PRIMA1: variants seen among roughly 807,000 people sequenced by gnomAD.
The protein encoded by PRIMA1 is proline rich membrane anchor 1, also known as proline-rich membrane anchor 1.
PRIMA1 carries 7 observed loss-of-function variants against 17.5 expected under a neutral mutation model. The ratio of observed to expected loss-of-function variants is 0.40; its 90% confidence interval spans 0.23 to 0.75. The LOEUF is 0.75. PRIMA1 is among the 30% of genes least tolerant of loss of function. The probability of loss-of-function intolerance (pLI) is 0.37; values close to 1 mark genes in which losing one functional copy is unlikely to be tolerated. For missense variants in PRIMA1, 200 were observed against 201.8 expected, an observed-to-expected ratio of 0.99 and a Z score of 0.05; for synonymous variants, 97 against 77.9, an observed-to-expected ratio of 1.25 and a Z score of -1.29.
In PRIMA1 at chr14:93,782,279, A is replaced by ATAC. The variant is rs1225135581; in HGVS notation, c.94-2969_94-2968insGTA. On this transcript the variant is annotated intron_variant, in intron 2 of 4. Coordinates refer to ENST00000393140, the MANE Select transcript of PRIMA1 (RefSeq NM_178013.4). Reference sequence around the variant, plus strand: ...CAAGACTCCGTCTCAAAAATAAATAAATAAATAAATAAATACATACATACA... The same window carrying ATAC: ...CAAGACTCCGTCTCAAAAATAAATAATACATAAATAAATAAATACATACATACA... Among the ~76,000 whole-genome samples the ATAC allele has an allele frequency of 1.3e-3, 191 of 150,734 alleles. 2 individuals carry two copies. The highest frequency in any genetic ancestry group is 2.7e-3 in the African/African-American group (110 of 40,660).
intron 3 of PRIMA1, among the ~76,000 whole-genome samples, chr14:93,742,355 A>C (rs1340252473): frequency 1.3e-5 from 2 of 152,244 alleles, no homozygotes; most frequent in Admixed American, 6.5e-5. Context: ...CCAGAGAGTG[A>C]ACAACACAGA....
intron 3 of PRIMA1, among the ~76,000 whole-genome samples, chr14:93,743,499 GTCACAACC>G (rs2076196596): frequency 2.0e-5 from 3 of 152,218 alleles, no homozygotes; most frequent in Non-Finnish European, 4.4e-5. Flanking sequence ...CATCAGGCGG[GTCACAACC>G]GCTGACAATG....
intron 3 of PRIMA1, among the ~76,000 whole-genome samples, chr14:93,754,282 TG>T (rs1431417199): frequency 1.3e-5 from 2 of 152,256 alleles, no homozygotes; most frequent in East Asian, 1.9e-4. Flanking sequence ...ATCCCAATTG[TG>T]GAGTTGGGAT....
chr14:93,737,238 C>G lies in PRIMA1; in HGVS notation c.359+3G>C. ...AAGCTGGGTGCAGTGAGTGAGCACT[C>G]ACCTTTTTATGGCTTTGTAGCAAAT... On this transcript the variant is annotated splice_donor_region_variant and intron_variant, in intron 4 of 4. Coordinates refer to ENST00000393140, the MANE Select transcript of PRIMA1 (RefSeq NM_178013.4). The G allele has an allele frequency of 6.2e-7, 1 of 1,614,064 alleles. No individual in the cohort carries two copies. Among genetic ancestry groups the G allele is most frequent in the Non-Finnish European group, 8.5e-7 (1 of 1,179,982 alleles).
intron 4 of PRIMA1, among the ~76,000 whole-genome samples, chr14:93,722,694 GATGATGATA>G (rs2076048648): frequency 9.1e-4 from 8 of 8,824 alleles, no homozygotes; most frequent in South Asian, 2.9e-3. Context: ...TGATGGTAAT[GATGATGATA>G]GTGGTGGTTA....
chr14:93,775,121 CA>C (rs1167434483), intron 3 of PRIMA1, among the ~76,000 whole-genome samples: 1 of 152,068 alleles, frequency 6.6e-6, no homozygotes, highest in Admixed American at 6.5e-5. Context: ...AGGTGCCTGG[CA>C]AATGCTCGCC....
intron 4 of PRIMA1, among the ~76,000 whole-genome samples, chr14:93,735,834 C>T (rs796073024): frequency 7.2e-5 from 11 of 151,980 alleles, no homozygotes; most frequent in Non-Finnish European, 1.5e-4. Context: ...GGATTATAGG[C>T]GTGTGCCACC....
intron 2 of PRIMA1, among the ~76,000 whole-genome samples, chr14:93,783,524 CTA>C (rs148458578): frequency 0.022 from 3,320 of 152,304 alleles, 131 homozygotes; most frequent in African/African-American, 0.076. Context: ...CGTTTGGTTT[CTA>C]TCTTGGGGAA....
At chr14:93,730,178 G>A (rs868793019) in intron 4 of PRIMA1, among the ~76,000 whole-genome samples, 1 of 152,178 alleles carries the variant, frequency 6.6e-6, no homozygotes. Context: ...GCCAGGCACC[G>A]TCGGGAGAGA....
intron 3 of PRIMA1, among the ~76,000 whole-genome samples, chr14:93,759,510 TGTGTGTGTGC>T (rs1566972493): frequency 6.6e-6 from 1 of 151,768 alleles, no homozygotes; most frequent in South Asian, 2.1e-4. Flanking sequence ...TGCGTGTGCA[TGTGTGTGTGC>T]GTGTGTGTGC....
chr14:93,747,782 G>A (rs1425931393), intron 3 of PRIMA1, among the ~76,000 whole-genome samples: 1 of 87,582 alleles, frequency 1.1e-5, no homozygotes, highest in Non-Finnish European at 2.5e-5. Flanking sequence ...GTGTGTGTAT[G>A]AGTATGTGAG....
intron 3 of PRIMA1, among the ~76,000 whole-genome samples, chr14:93,760,850 T>C (rs537379710): frequency 3.3e-5 from 5 of 151,296 alleles, no homozygotes; most frequent in South Asian, 2.1e-4. Context: ...TCCCCCTCCA[T>C]TGCTGCCCCA....
chr14:93,749,157 G>A (rs1179183838), intron 3 of PRIMA1, among the ~76,000 whole-genome samples: 1 of 152,162 alleles, frequency 6.6e-6, no homozygotes, highest in Non-Finnish European at 1.5e-5. Context: ...CCCCTCCCCA[G>A]ATCTGCCAGG....
At chr14:93,722,756 AGGTGATGATGGC>A (rs2076049776) in intron 4 of PRIMA1, among the ~76,000 whole-genome samples, 1 of 151,802 alleles carries the variant, frequency 6.6e-6, no homozygotes, top group Admixed American at 6.6e-5. Context: ...GTGGTGATGG[AGGTGATGATGGC>A]GGTGATGATG....
intron 3 of PRIMA1, among the ~76,000 whole-genome samples, chr14:93,752,308 G>T (rs900169786): frequency 1.1e-4 from 16 of 152,184 alleles, no homozygotes; most frequent in Admixed American, 7.8e-4. Flanking sequence ...TCACAGAGCT[G>T]CGAGTAAAGT....
chr14:93,776,169 C>G (rs1300550039), intron 3 of PRIMA1, among the ~76,000 whole-genome samples: 1 of 152,212 alleles, frequency 6.6e-6, no homozygotes, highest in Admixed American at 6.5e-5. Context: ...AGACAGAAAT[C>G]CAATACCGTC....
intron 3 of PRIMA1, among the ~76,000 whole-genome samples, chr14:93,738,697 A>AC (rs1364660941): frequency 6.6e-6 from 1 of 151,936 alleles, no homozygotes; most frequent in South Asian, 2.1e-4. Flanking sequence ...AGTGAAATGC[A>AC]CCCCCCATCT....
intron 3 of PRIMA1, among the ~76,000 whole-genome samples, chr14:93,773,051 A>G (rs1003811329): frequency 5.9e-5 from 9 of 152,176 alleles, no homozygotes; most frequent in African/African-American, 2.2e-4. Context: ...CACATTTGGA[A>G]ATTGGGGCTC....
intron 3 of PRIMA1, among the ~76,000 whole-genome samples, chr14:93,753,549 G>A (rs1337166050): frequency 3.9e-5 from 6 of 152,162 alleles, no homozygotes; most frequent in Non-Finnish European, 2.9e-5. Flanking sequence ...GGAGCAGGGA[G>A]CAGGCGCTGC....
Sources: gnomAD v4.1 joint callset for allele counts (sites outside exome capture counted in the v4.1 genomes callset) on GRCh38, gnomAD v4.1.1 for gene constraint, MANE v1.5 for transcripts, NCBI Gene and HGNC (gene_info 2026-07-23, HGNC 2026-07-21) for gene names.